Variants in NEGR1 observed in about 807,000 individuals in gnomAD.
NEGR1 encodes neuronal growth regulator 1.
In NEGR1, 10 loss-of-function variants were observed where a neutral mutation model predicts 40.9. The observed-to-expected ratio is 0.24, with a 90% confidence interval of 0.15 to 0.42. The LOEUF (loss-of-function observed/expected upper bound fraction) is 0.42, where lower values mean the gene tolerates loss of function less well. NEGR1 is among the 10% of genes least tolerant of loss of function. The pLI, the probability that NEGR1 is intolerant of heterozygous loss-of-function variation, is 1.00. For missense variants in NEGR1, 352 were observed against 438.9 expected (o/e 0.80, Z 1.77); for synonymous variants, 185 against 166.8 (o/e 1.11, Z -0.84).
chr1:72,187,156 A>C (rs1054903805), intron 1 of NEGR1, among the ~76,000 whole-genome samples: 3 of 151,302 alleles, frequency 2.0e-5, no homozygotes, highest in Non-Finnish European at 4.4e-5. Context: ...GCTGGAAGAG[A>C]CTTTTCTTTA....
At chr1:71,842,645 G>T (rs1349037310) in intron 2 of NEGR1, among the ~76,000 whole-genome samples, 1 of 152,114 alleles carries the variant, frequency 6.6e-6, no homozygotes, top group African/African-American at 2.4e-5. Context: ...TGCAGATTTT[G>T]TGTGAAAGGA....
At chr1:72,069,291 A>G (rs370499354) in intron 1 of NEGR1, among the ~76,000 whole-genome samples, 1 of 151,902 alleles carries the variant, frequency 6.6e-6, no homozygotes, top group Non-Finnish European at 1.5e-5. Context: ...AAATAAAAAA[A>G]CTCATAGCCA....
At chr1:71,993,325 A>G (rs530002810) in intron 1 of NEGR1, among the ~76,000 whole-genome samples, 1 of 152,322 alleles carries the variant, frequency 6.6e-6, no homozygotes, top group Non-Finnish European at 1.5e-5. Flanking sequence ...GTAATGGACA[A>G]AGAACAGAGA....
chr1:71,832,167 G>T (rs1425181956), intron 2 of NEGR1, among the ~76,000 whole-genome samples: 1 of 151,880 alleles, frequency 6.6e-6, no homozygotes, highest in Non-Finnish European at 1.5e-5. Context: ...AGGAGGAAAT[G>T]ACAGGACTCA....
At chr1:71,844,747 G>A (rs1369560010) in intron 2 of NEGR1, among the ~76,000 whole-genome samples, 2 of 152,180 alleles carry the variant, frequency 1.3e-5, no homozygotes, top group African/African-American at 4.8e-5. Context: ...GGTGACTTCA[G>A]TAGAAGAGAG....
At chr1:71,919,119 G>A (rs1661684938) in intron 2 of NEGR1, among the ~76,000 whole-genome samples, 1 of 152,156 alleles carries the variant, frequency 6.6e-6, no homozygotes, top group Non-Finnish European at 1.5e-5. Flanking sequence ...AGGATCCACA[G>A]TAGTTCTCAG....
At chr1:71,807,072 A>G (rs1391079852) in intron 2 of NEGR1, among the ~76,000 whole-genome samples, 2 of 150,172 alleles carry the variant, frequency 1.3e-5, no homozygotes, top group African/African-American at 2.4e-5. Context: ...TTTTTTTTGT[A>G]TTTTTAGTAG....
intron 6 of NEGR1, among the ~76,000 whole-genome samples, chr1:71,443,330 A>T (rs1246747727): frequency 6.6e-6 from 1 of 152,306 alleles, no homozygotes; most frequent in South Asian, 2.1e-4. Context: ...CTTCCGCCTC[A>T]TAACTGTCGT....
chr1:71,541,391 G>T (rs963401333), intron 6 of NEGR1, among the ~76,000 whole-genome samples: 1 of 151,580 alleles, frequency 6.6e-6, no homozygotes, highest in African/African-American at 2.4e-5. Flanking sequence ...CATATTAGAC[G>T]ACTGACAAAT....
intron 1 of NEGR1, among the ~76,000 whole-genome samples, chr1:72,214,628 T>C (rs1653730244): frequency 6.6e-6 from 1 of 151,760 alleles, no homozygotes; most frequent in Non-Finnish European, 1.5e-5. Flanking sequence ...ACAAAGAGAA[T>C]AAAATACCTA....
rs530118731 is a variant in NEGR1, at chr1:71,624,902, T to C, written c.668-13756A>G. Among the ~76,000 whole-genome samples the C allele has an allele frequency of 1.6e-3, 236 of 152,094 alleles. 4 individuals carry two copies. The South Asian group carries it at 0.021, about 13-fold the overall frequency. ...CTTCTTTATTGTTAGTTGTCTCCCCTCTCGCATTGGAATGTACAATTCACA... is the reference window on the plus strand; with the variant it reads ...CTTCTTTATTGTTAGTTGTCTCCCCCCTCGCATTGGAATGTACAATTCACA... On this transcript the variant is annotated intron_variant, in intron 4 of 6. Transcript: ENST00000357731.
intron 1 of NEGR1, among the ~76,000 whole-genome samples, chr1:72,050,086 C>A (rs1647044146): frequency 6.6e-6 from 1 of 151,408 alleles, no homozygotes; most frequent in Non-Finnish European, 1.5e-5. Flanking sequence ...TTAAAGTCCA[C>A]TGCTTTTCTA....
intron 1 of NEGR1, among the ~76,000 whole-genome samples, chr1:72,021,864 G>T (rs1050833792): frequency 2.0e-5 from 3 of 152,126 alleles, no homozygotes; most frequent in African/African-American, 7.2e-5. Flanking sequence ...GGCTGGGCAC[G>T]GTGGCTCACG....
intron 2 of NEGR1, among the ~76,000 whole-genome samples, chr1:71,841,617 G>T (rs1348299215): frequency 6.6e-6 from 1 of 152,102 alleles, no homozygotes; most frequent in African/African-American, 2.4e-5. Flanking sequence ...AGCCACACTG[G>T]TGGAAAGATT....
Position 71,913,666 on chromosome 1 carries a change from C to G in NEGR1, c.409+21413G>C, listed in dbSNP as rs544088578. The stretch of plus-strand genomic sequence containing the variant: ...GAATTTTCTTTCTATTCATTTTACC[C>G]TGATTTAATTTCTGATTATTTTATT... On this transcript the variant is annotated intron_variant, in intron 2 of 6. Transcript: ENST00000357731. 8.7e-4 allele frequency among the ~76,000 whole-genome samples: 133 copies of G among 152,048 alleles called. 1 individual carries two copies. The highest frequency in any genetic ancestry group is 1.4e-3 in the Non-Finnish European group (97 of 68,008).
At chr1:72,217,032 G>T (rs1653844689) in intron 1 of NEGR1, among the ~76,000 whole-genome samples, 1 of 151,206 alleles carries the variant, frequency 6.6e-6, no homozygotes, top group African/African-American at 2.4e-5. Flanking sequence ...TATCTGTAAG[G>T]TTTCAACTAT....
intron 6 of NEGR1, among the ~76,000 whole-genome samples, chr1:71,492,537 T>C (rs1646936881): frequency 6.6e-6 from 1 of 152,112 alleles, no homozygotes. Context: ...CGGCTCCTGG[T>C]TCAGCTCTTT....
intron 6 of NEGR1, among the ~76,000 whole-genome samples, chr1:71,554,073 T>C (rs1425556284): frequency 1.3e-5 from 2 of 151,456 alleles, no homozygotes; most frequent in East Asian, 3.9e-4. Flanking sequence ...AGAAATAAGT[T>C]TGTTGTTTTG....
chr1:71,737,938 C>G (rs541909757), intron 3 of NEGR1, among the ~76,000 whole-genome samples: 84 of 152,222 alleles, frequency 5.5e-4, no homozygotes, highest in African/African-American at 1.9e-3. Context: ...GCAACTGTGT[C>G]TCTTCCCAGA....
Sources: gnomAD v4.1 joint callset for allele counts (sites outside exome capture counted in the v4.1 genomes callset) on GRCh38, gnomAD v4.1.1 for gene constraint, MANE v1.5 for transcripts, NCBI Gene and HGNC (gene_info 2026-07-23, HGNC 2026-07-21) for gene names.